DARS1: variants seen among roughly 807,000 people sequenced by gnomAD.
DARS1 encodes the protein aspartate--tRNA ligase, cytoplasmic.
DARS1 carries 51 observed loss-of-function variants against 68.8 expected under a neutral mutation model. The ratio of observed to expected loss-of-function variants is 0.74; its 90% CI spans 0.59 to 0.94. DARS1 has a LOEUF of 0.94. DARS1 is among the 40% of genes least tolerant of loss of function. The pLI, the probability that DARS1 is intolerant of heterozygous loss-of-function variation, is 0.00. For synonymous variants in DARS1, 203 were observed against 190.4 expected (o/e 1.07, Z -0.55); for missense variants, 607 against 597.3 (o/e 1.02, Z -0.17).
At chr2:135,923,089 T>C (rs1681139690) in intron 8 of DARS1, among the ~76,000 whole-genome samples, 171 bp from the exon 9 acceptor site, 2 of 152,218 alleles carry the variant, frequency 1.3e-5, no homozygotes, top group African/African-American at 4.8e-5. Context: ...TGATTCTAAA[T>C]AGTTTATATT....
At chr2:135,985,641 C>T, upstream of DARS1, 1 of 1,431,852 alleles carries the variant, frequency 7.0e-7, no homozygotes. Flanking sequence ...AGAGCTGCGG[C>T]TATCTCGAGA....
intron 10 of DARS1, among the ~76,000 whole-genome samples, chr2:135,920,086 C>T (rs1359677518): frequency 6.6e-6 from 1 of 152,208 alleles, no homozygotes; most frequent in Non-Finnish European, 1.5e-5. Context: ...CAACCTCTTA[C>T]ACACTACCCT....
chr2:135,907,261 T>TTTTTTTTTTTTTTTTTGGGGGGGGG lies in DARS1; in HGVS notation c.*54_*55insCCCCCCCCCAAAAAAAAAAAAAAAA. The TTTTTTTTTTTTTTTTTGGGGGGGGG allele has an allele frequency of 1.1e-6, 1 of 889,242 alleles. No individual in the cohort carries two copies. The allele number at this position is 889,242 out of a possible 1,614,324, so 55.1% of individuals were successfully genotyped here. A position where few individuals can be genotyped will look rare whatever the true frequency, so the allele number is the denominator to read the frequency against. On this transcript the variant is annotated 3_prime_UTR_variant, in exon 16 of 16. Transcript: ENST00000264161. Reference sequence around the variant, plus strand: ...GGCTTTCTTTTTTTTTTTTTTTTTTTGAGGCAGGGTCTCGCTCTGTCATCC... The same window carrying TTTTTTTTTTTTTTTTTGGGGGGGGG: ...GGCTTTCTTTTTTTTTTTTTTTTTTTTTTTTTTTTTTTTTTTGGGGGGGGGGAGGCAGGGTCTCGCTCTGTCATCC...
chr2:135,923,894 G>GT (rs1178063260), intron 8 of DARS1, among the ~76,000 whole-genome samples: 1 of 152,046 alleles, frequency 6.6e-6, no homozygotes, highest in Non-Finnish European at 1.5e-5. Flanking sequence ...GTGCATGCTT[G>GT]TAATCCCAGC....
chr2:135,909,455 T>C (rs1386584278), intron 15 of DARS1, among the ~76,000 whole-genome samples: 1 of 152,196 alleles, frequency 6.6e-6, no homozygotes, highest in Non-Finnish European at 1.5e-5. Flanking sequence ...AATTAACATA[T>C]CTATCATCTT....
intron 3 of DARS1, among the ~76,000 whole-genome samples, chr2:135,964,114 T>C (rs1682162283): frequency 6.6e-6 from 1 of 152,184 alleles, no homozygotes; most frequent in African/African-American, 2.4e-5. Context: ...AAGTATTTGT[T>C]AGAAAATCAT....
intron 4 of DARS1, among the ~76,000 whole-genome samples, chr2:135,957,332 A>T (rs1259937810): frequency 6.6e-6 from 1 of 151,408 alleles, no homozygotes; most frequent in Non-Finnish European, 1.5e-5. Context: ...GGTTCAACCG[A>T]TTCTCCTGCC....
intron 4 of DARS1, among the ~76,000 whole-genome samples, chr2:135,954,065 T>A (rs1681906853): frequency 1.3e-5 from 2 of 151,740 alleles, no homozygotes; most frequent in Non-Finnish European, 2.9e-5. Flanking sequence ...CCCAGTTCTA[T>A]TTTTTAAACT....
intron 6 of DARS1, among the ~76,000 whole-genome samples, chr2:135,933,457 G>A (rs1014380602): frequency 1.3e-5 from 2 of 152,130 alleles, no homozygotes; most frequent in African/African-American, 4.8e-5. Flanking sequence ...AATGTCATCC[G>A]AAGGATGAGG....
chr2:135,949,817 T>C (rs1681804717), intron 4 of DARS1, among the ~76,000 whole-genome samples: 1 of 152,222 alleles, frequency 6.6e-6, no homozygotes, highest in Non-Finnish European at 1.5e-5. Flanking sequence ...GACAGACAAT[T>C]TGAGGCAAAA....
intron 3 of DARS1, 26 bp from the exon 4 acceptor site, chr2:135,961,524 T>G (rs755258157): frequency 2.8e-6 from 3 of 1,072,536 alleles, no homozygotes; most frequent in Non-Finnish European, 4.4e-6. Context: ...AGAACACAAA[T>G]GTATTAAGGA....
At chr2:135,937,130 G>A (rs540742714) in intron 5 of DARS1, among the ~76,000 whole-genome samples, 41 of 152,010 alleles carry the variant, frequency 2.7e-4, no homozygotes, top group African/African-American at 9.6e-4. Flanking sequence ...ACTTAGTCAC[G>A]CAGGTTGGAG....
At chr2:135,934,420 G>C (rs551188708) in intron 5 of DARS1, among the ~76,000 whole-genome samples, 2 of 151,964 alleles carry the variant, frequency 1.3e-5, no homozygotes, top group Non-Finnish European at 2.9e-5. Context: ...CCAGGAGTTC[G>C]AGACCAGGCT....
intron 4 of DARS1, among the ~76,000 whole-genome samples, chr2:135,954,625 T>C (rs887197508): frequency 7.2e-5 from 11 of 152,126 alleles, no homozygotes; most frequent in African/African-American, 2.7e-4. Flanking sequence ...TAAAAATCCA[T>C]GCTAGACACT....
intron 2 of DARS1, among the ~76,000 whole-genome samples, chr2:135,979,836 G>C (rs1055540459): frequency 6.6e-6 from 1 of 152,182 alleles, no homozygotes; most frequent in African/African-American, 2.4e-5. Context: ...TACCAAGTCT[G>C]AACAGTCGCA....
intron 4 of DARS1, among the ~76,000 whole-genome samples, chr2:135,959,548 G>GAAAGTAGC (rs1423518331): frequency 6.6e-6 from 1 of 151,120 alleles, no homozygotes; most frequent in African/African-American, 2.4e-5. Context: ...GAGACCATTT[G>GAAAGTAGC]AAAGTAGCTC....
At chr2:135,938,759 C>G (rs747436849) in intron 5 of DARS1, among the ~76,000 whole-genome samples, 36 of 152,068 alleles carry the variant, frequency 2.4e-4, no homozygotes, top group Non-Finnish European at 4.7e-4. Flanking sequence ...CTGTATTCAG[C>G]AGACCCATCT....
intron 4 of DARS1, among the ~76,000 whole-genome samples, chr2:135,954,003 T>C (rs1234569036): frequency 6.6e-6 from 1 of 151,704 alleles, no homozygotes; most frequent in Non-Finnish European, 1.5e-5. Flanking sequence ...GTGATCCTCC[T>C]ACCTCAGTGT....
chr2:135,971,431 G>A (rs929722975), intron 3 of DARS1, among the ~76,000 whole-genome samples: 2 of 152,044 alleles, frequency 1.3e-5, no homozygotes, highest in Non-Finnish European at 2.9e-5. Context: ...GGCATAGAAG[G>A]AACATACCTT....
Sources: allele counts gnomAD v4.1 joint callset (sites outside exome capture counted in the v4.1 genomes callset), GRCh38; gene constraint gnomAD v4.1.1; transcripts MANE v1.5; gene names NCBI Gene and HGNC (gene_info 2026-07-23, HGNC 2026-07-21).